Variants in OSBP2 observed in about 807,000 individuals in gnomAD.
The protein encoded by OSBP2 is oxysterol binding protein 2, also known as oxysterol-binding protein 2.
OSBP2 carries 66 observed loss-of-function variants against 96.0 expected under a neutral mutation model. The observed-to-expected ratio is 0.69, with a 90% CI of 0.56 to 0.84. The LOEUF is 0.84. Among genes scored for constraint, OSBP2 ranks in the 40% least tolerant of loss-of-function variants. OSBP2 has a pLI of 0.00. For synonymous variants in OSBP2, 525 were observed against 520.9 expected, an observed-to-expected ratio of 1.01 and a Z score of -0.11; for missense variants, 1,038 against 1,222.7, an observed-to-expected ratio of 0.85 and a Z score of 2.25.
At chr22:30,832,831 G>A (rs936987846) in intron 2 of OSBP2, among the ~76,000 whole-genome samples, 9 of 152,142 alleles carry the variant, frequency 5.9e-5, no homozygotes, top group East Asian at 1.9e-4. Flanking sequence ...GGGCAGTGGC[G>A]CACTGCAGGG....
At chr22:30,703,539 G>A (rs558759975) in intron 1 of OSBP2, among the ~76,000 whole-genome samples, 7 of 150,422 alleles carry the variant, frequency 4.7e-5, no homozygotes, top group South Asian at 2.1e-4. Context: ...GCAGTGGCAC[G>A]ATCCTGGCTC....
chr22:30,811,331 AT>A (rs2091003728), intron 2 of OSBP2, among the ~76,000 whole-genome samples: 4 of 113,740 alleles, frequency 3.5e-5, no homozygotes, highest in East Asian at 5.1e-4. Context: ...ATTTTTATTT[AT>A]TTTATTTATT....
chr22:30,808,651 A>G (rs1488421027), intron 2 of OSBP2, among the ~76,000 whole-genome samples: 4 of 152,170 alleles, frequency 2.6e-5, no homozygotes, highest in Non-Finnish European at 4.4e-5. Context: ...TGTCCTTATG[A>G]GAAGAGAGAA....
intron 2 of OSBP2, among the ~76,000 whole-genome samples, chr22:30,840,656 A>G (rs1255843419): frequency 1.3e-5 from 2 of 152,202 alleles, no homozygotes; most frequent in South Asian, 2.1e-4. Flanking sequence ...AAGAGTTGAT[A>G]TGGGGAAATA....
intron 2 of OSBP2, chr22:30,803,074 C>T: frequency 4.8e-6 from 1 of 207,166 alleles, no homozygotes; most frequent in Non-Finnish European, 9.5e-6. Flanking sequence ...ACTGAGAGCG[C>T]GGCGGCGGGA....
intron 12 of OSBP2, among the ~76,000 whole-genome samples, chr22:30,896,415 ATG>A: frequency 6.6e-6 from 1 of 152,312 alleles, no homozygotes; most frequent in East Asian, 1.9e-4. Flanking sequence ...TCTTAGCATG[ATG>A]GAATTTGAGG....
chr22:30,769,165 G>A (rs2090316751), intron 2 of OSBP2, among the ~76,000 whole-genome samples: 4 of 152,206 alleles, frequency 2.6e-5, no homozygotes, highest in Admixed American at 1.3e-4. Flanking sequence ...TACCATGCCT[G>A]GTGGTATGAA....
At chr22:30,745,666 CAAAAAAAAA>C (rs71328868) in intron 2 of OSBP2, among the ~76,000 whole-genome samples, 1 of 58,670 alleles carries the variant, frequency 1.7e-5, no homozygotes, top group African/African-American at 6.6e-5. Flanking sequence ...GACTCTGTCT[CAAAAAAAAA>C]AAAAAAAAAA....
At chr22:30,783,026 G>A (rs1602257090) in intron 2 of OSBP2, among the ~76,000 whole-genome samples, 1 of 139,874 alleles carries the variant, frequency 7.1e-6, no homozygotes, top group East Asian at 2.2e-4. Flanking sequence ...GACAGTGTCT[G>A]TTATGTCCTT....
In OSBP2 at chr22:30,893,929, G is replaced by T. The variant is rs773018687; in HGVS notation, c.2303G>T (p.Ser768Ile). 1 of 1,597,346 alleles carries T rather than the reference G, an allele frequency of 6.3e-7. No individual in the cohort carries two copies. Among genetic ancestry groups the T allele is most frequent in the East Asian group, 2.3e-5 (1 of 44,284 alleles). Residue 768 changes from serine (S) to isoleucine (I), a missense_variant, in exon 12 of 14, where the codon AGC (serine) becomes ATC (isoleucine). Around this residue, in one of 3 missense-constraint regions of OSBP2, gnomAD observed 737 missense variants for 913.3 expected, o/e 0.81. Coordinates refer to ENST00000332585, the MANE Select transcript of OSBP2 (RefSeq NM_030758.4). ...KVMHSSPSSP[S>I]SDGKQKTVYQ... is the part of the protein sequence containing the mutation. ...ATGCATAGCAGTCCCAGCAGCCCCA[G>T]CTCTGACGGGAAGCAGAAGACAGTG...
At chr22:30,721,426 G>A (rs1252163070) in intron 1 of OSBP2, among the ~76,000 whole-genome samples, 1 of 152,182 alleles carries the variant, frequency 6.6e-6, no homozygotes, top group South Asian at 2.1e-4. Flanking sequence ...CCTGTGGCAG[G>A]CCCTCAGTGA....
chr22:30,699,262 C>T (rs1045124172), intron 1 of OSBP2, among the ~76,000 whole-genome samples: 5 of 152,198 alleles, frequency 3.3e-5, no homozygotes, highest in African/African-American at 1.2e-4. Flanking sequence ...CATCTTTAAC[C>T]TTATTTCAAA....
rs1271587753 is a variant in OSBP2, at chr22:30,781,162, A to G, written c.853+39793A>G. Among the ~76,000 whole-genome samples, 7 of 127,268 alleles carry G rather than the reference A, an allele frequency of 5.5e-5. No homozygotes were observed. The Admixed American group carries it at 5.6e-4, about 10-fold the overall frequency. 83.5% of individuals were successfully genotyped at this position (127,268 alleles called of 152,430 possible). A position where few individuals can be genotyped will look rare whatever the true frequency, so the allele number is the denominator to read the frequency against. ...GGCTAATTTTTTTTTTTTTTTTTTT[A>G]GTAGCGATGGGGTTTCACCATGTTG... On this transcript the variant is annotated intron_variant, in intron 2 of 13. Coordinates refer to ENST00000332585, the MANE Select transcript of OSBP2 (RefSeq NM_030758.4).
At chr22:30,836,721 G>T (rs1251800807) in intron 2 of OSBP2, among the ~76,000 whole-genome samples, 1 of 152,152 alleles carries the variant, frequency 6.6e-6, no homozygotes, top group East Asian at 1.9e-4. Flanking sequence ...AGCAGGGCAG[G>T]TAGCCCCAGG....
intron 2 of OSBP2, among the ~76,000 whole-genome samples, chr22:30,802,389 A>T (rs1032455079): frequency 6.6e-6 from 1 of 152,036 alleles, no homozygotes; most frequent in African/African-American, 2.4e-5. Context: ...CCCGAGATAG[A>T]CTCGCCTGTA....
In OSBP2 at chr22:30,902,355, A is replaced by G. The variant is rs998662167; in HGVS notation, c.2376-3482A>G. ...ACAGATAAATTTAAAGGATTCTGCT[A>G]TATAGAATTCGATGAAGTGGATTCC... On this transcript the variant is annotated intron_variant, in intron 12 of 13. Transcript: ENST00000332585. 5 of 1,581,840 alleles carry G rather than the reference A, an allele frequency of 3.2e-6. No individual in the cohort carries two copies. The African/African-American group carries it at 5.4e-5, about 17-fold the overall frequency.
At chr22:30,856,645 C>T (rs2039085726) in intron 2 of OSBP2, among the ~76,000 whole-genome samples, 1 of 151,946 alleles carries the variant, frequency 6.6e-6, no homozygotes. Context: ...CCGTGGCCTC[C>T]CAAAGTGCTG....
intron 1 of OSBP2, among the ~76,000 whole-genome samples, chr22:30,735,086 G>A: frequency 6.6e-6 from 1 of 152,160 alleles, no homozygotes. Flanking sequence ...CAGTTACTTG[G>A]GAGGCTGAGA....
At chr22:30,742,782 C>T (rs1321027037) in intron 2 of OSBP2, among the ~76,000 whole-genome samples, 1 of 152,164 alleles carries the variant, frequency 6.6e-6, no homozygotes, top group African/African-American at 2.4e-5. Flanking sequence ...TTGTGACATA[C>T]TGTGCTGCCA....
Sources: gnomAD v4.1 joint callset for allele counts (sites outside exome capture counted in the v4.1 genomes callset) on GRCh38, gnomAD v4.1.1 for gene constraint, gnomAD v4.1.1 regional missense constraint, MANE v1.5 for transcripts, NCBI Gene and HGNC (gene_info 2026-07-23, HGNC 2026-07-21) for gene names.